Variants in NPIPB2 observed in about 807,000 individuals in gnomAD.
The protein encoded by NPIPB2 is nuclear pore complex-interacting protein family member B2.
In NPIPB2, 27 loss-of-function variants were observed where a neutral mutation model predicts 30.8. The ratio of observed to expected loss-of-function variants is 0.88; its 90% CI spans 0.65 to 1.21. The LOEUF (loss-of-function observed/expected upper bound fraction) is 1.21, where lower values mean the gene tolerates loss of function less well. Among genes scored for constraint, NPIPB2 ranks in the 50% most tolerant of loss-of-function variants. NPIPB2 has a pLI of 0.00. For synonymous variants in NPIPB2, 147 were observed against 162.0 expected (o/e 0.91, Z 0.70); for missense variants, 440 against 446.2 (o/e 0.99, Z 0.13).
intron 4 of NPIPB2, among the ~76,000 whole-genome samples, chr16:11,932,307 A>C (rs1356678251): frequency 6.6e-6 from 1 of 151,826 alleles, no homozygotes; most frequent in Non-Finnish European, 1.5e-5. Flanking sequence ...ATACAATGTA[A>C]TATGACCAAA....
chr16:11,946,003 T>C (rs1447016540), upstream of NPIPB2, among the ~76,000 whole-genome samples: 1 of 149,822 alleles, frequency 6.7e-6, no homozygotes. Context: ...TCATGATTTG[T>C]TTCTTCCTGT....
intron 1 of NPIPB2, among the ~76,000 whole-genome samples, chr16:11,947,334 A>T (rs150070849): frequency 0.22 from 31,441 of 144,868 alleles, 6,328 homozygotes; most frequent in African/African-American, 0.52. Context: ...ATATATATAT[A>T]TATTTATTTA....
intron 1 of NPIPB2, among the ~76,000 whole-genome samples, chr16:11,948,695 A>C (rs1354663849): frequency 1.5e-5 from 2 of 129,394 alleles, no homozygotes; most frequent in Admixed American, 1.9e-4. Context: ...TGAACCCGGG[A>C]GGCAGAGCTT....
chr16:11,933,798 A>C, intron 3 of NPIPB2, 27 bp downstream of exon 3: 1 of 1,591,584 alleles, frequency 6.3e-7, no homozygotes, highest in Non-Finnish European at 8.5e-7. Context: ...TCATTTCCAC[A>C]CTATGGGGAC....
At chr16:11,970,543 T>C (rs1369449079) in intron 1 of NPIPB2, among the ~76,000 whole-genome samples, 7 of 149,612 alleles carry the variant, frequency 4.7e-5, no homozygotes, top group Non-Finnish European at 7.5e-5. Context: ...ATTTTTTTTT[T>C]CTTTCTTTTG....
At chr16:11,969,111 C>T (rs748979844) in intron 1 of NPIPB2, among the ~76,000 whole-genome samples, 4 of 151,928 alleles carry the variant, frequency 2.6e-5, no homozygotes, top group African/African-American at 7.3e-5. Flanking sequence ...AGGTGATTCA[C>T]CTGCCTTGGC....
In NPIPB2 at chr16:11,964,434, G is replaced by C. The variant is rs11570134; in HGVS notation, c.-584+12134C>G. Among the ~76,000 whole-genome samples the C allele has an allele frequency of 2.0e-5, 3 of 149,504 alleles. No individual in the cohort carries two copies. The South Asian group carries it at 6.3e-4, about 31-fold the overall frequency. On this transcript the variant is annotated intron_variant, in intron 1 of 5. Transcript: ENST00000538896. ...CCTGTAGAATTTTTTTTTTTTTTGA[G>C]ATAGAGTCTTGCTTTGTCACCCAGG...
chr16:11,951,905 A>G (rs1433201026), intron 1 of NPIPB2, among the ~76,000 whole-genome samples: 1 of 152,072 alleles, frequency 6.6e-6, no homozygotes, highest in East Asian at 1.9e-4. Context: ...CACGCCTGTA[A>G]TCCCAGCACT....
chr16:11,959,133 G>C (rs1190504590), intron 1 of NPIPB2, among the ~76,000 whole-genome samples: 1 of 152,154 alleles, frequency 6.6e-6, no homozygotes, highest in Admixed American at 6.6e-5. Context: ...TGCTTCCTTA[G>C]AGCTGTGAGT....
chr16:11,943,256 T>G (rs1355468760), upstream of NPIPB2, among the ~76,000 whole-genome samples: 2 of 151,822 alleles, frequency 1.3e-5, no homozygotes, highest in Non-Finnish European at 2.9e-5. Context: ...GAGGCAGAGT[T>G]TGCAGTGAGC....
At position 11,947,322 on chromosome 16, in the gene NPIPB2, T is replaced by TTATTTATATATATA. The variant is rs144577397; in HGVS notation, c.-583-5209_-583-5208insTATATATATAAATA. On this transcript the variant is annotated intron_variant, in intron 1 of 5. Coordinates refer to the NPIPB2 transcript ENST00000538896. The stretch of plus-strand genomic sequence containing the variant: ...TTTATTTATTTATTTATTTATTTAT[T>TTATTTATATATATA]TATATATATATATATTTATTTATTT... Among the ~76,000 whole-genome samples, 11 of 119,946 alleles carry TTATTTATATATATA rather than the reference T, an allele frequency of 9.2e-5. No homozygotes were observed. The South Asian group carries it at 2.4e-3, about 26-fold the overall frequency. The allele number at this position is 119,946 out of a possible 152,430, so 78.7% of individuals were successfully genotyped here.
chr16:11,947,037 G>GA (rs1244060695), upstream of NPIPB2, among the ~76,000 whole-genome samples: 1 of 33,180 alleles, frequency 3.0e-5, no homozygotes, highest in Non-Finnish European at 1.2e-4. Context: ...TCAACTATTT[G>GA]AATTATATAT....
At chr16:11,966,085 T>C in intron 1 of NPIPB2, 1 of 1,181,646 alleles carries the variant, frequency 8.5e-7, no homozygotes, top group Non-Finnish European at 1.1e-6. Context: ...CACTCTAGCC[T>C]GGGCAACAGA....
At chr16:11,958,304 G>C (rs2055127901) in intron 1 of NPIPB2, among the ~76,000 whole-genome samples, 1 of 151,892 alleles carries the variant, frequency 6.6e-6, no homozygotes, top group Non-Finnish European at 1.5e-5. Context: ...GTGGGTGCCT[G>C]TAATCCCAGC....
chr16:11,938,490 T>G (rs1010919955), intron 1 of NPIPB2, among the ~76,000 whole-genome samples: 1 of 151,824 alleles, frequency 6.6e-6, no homozygotes, highest in African/African-American at 2.4e-5. Context: ...GACAGTGCAC[T>G]CAGCAAATTT....
At chr16:11,967,535 A>C (rs773128527) in intron 1 of NPIPB2, 45 of 1,592,036 alleles carry the variant, frequency 2.8e-5, no homozygotes, top group Non-Finnish European at 3.9e-5. Flanking sequence ...TTCTCTGTGA[A>C]GTTTGGGTTA....
intron 2 of NPIPB2, among the ~76,000 whole-genome samples, chr16:11,935,340 G>T (rs879900716): frequency 2.1e-4 from 32 of 152,136 alleles, no homozygotes; most frequent in Non-Finnish European, 4.4e-4. Context: ...TCTTGAGACG[G>T]AGTGTCACTC....
Position 11,967,782 on chromosome 16 carries a change from T to G in NPIPB2, c.-584+8786A>C, listed in dbSNP as rs200613750. The G allele has an allele frequency of 7.4e-6, 12 of 1,614,208 alleles. No individual in the cohort carries two copies. The East Asian group carries it at 2.7e-4, about 36-fold the overall frequency. On this transcript the variant is annotated intron_variant, in intron 1 of 5. Transcript: ENST00000538896. ...TCTTGTCACCACGAAAACGAATGAC[T>G]ATTGCAAGAGCCTGCCAGCTGCTTT...
rs765374143 is a variant in NPIPB2 at position 11,927,454 on chromosome 16, G to A, written c.1113C>T (p.Ala371=). The A allele has an allele frequency of 4.5e-6, 5 of 1,106,890 alleles. No homozygotes were observed. The East Asian group carries it at 1.1e-4, about 24-fold the overall frequency. 68.6% of individuals were successfully genotyped at this position (1,106,890 alleles called of 1,614,324 possible). A position where few individuals can be genotyped will look rare whatever the true frequency, so the allele number is the denominator to read the frequency against. Residue 371 remains alanine, a synonymous_variant, in exon 8 of 8, where the codon GCC becomes GCT. Coordinates refer to ENST00000399147, the Ensembl canonical transcript of NPIPB2. ...CGGGTGATGATGGTTCCACCTCAGCGGCCCTCCGCCTCTTGGGTTCGGGTG... is the reference window on the plus strand; with the variant it reads ...CGGGTGATGATGGTTCCACCTCAGCAGCCCTCCGCCTCTTGGGTTCGGGTG...
Sources: allele counts gnomAD v4.1 joint callset (sites outside exome capture counted in the v4.1 genomes callset), GRCh38; gene constraint gnomAD v4.1.1; transcripts MANE v1.5; gene names NCBI Gene and HGNC (gene_info 2026-07-23, HGNC 2026-07-21).